SLC12A9: variants seen among roughly 807,000 people sequenced by gnomAD.
SLC12A9 encodes the protein CCC-interacting protein 1.
In SLC12A9, 55 loss-of-function variants were observed where a neutral mutation model predicts 66.0. That is an observed-to-expected ratio of 0.83 (90% CI 0.67 to 1.04). The LOEUF (loss-of-function observed/expected upper bound fraction) is 1.04, where lower values mean the gene tolerates loss of function less well. Among genes scored for constraint, SLC12A9 ranks in the 50% least tolerant of loss-of-function variants. The pLI is 0.00. For synonymous variants in SLC12A9, 577 were observed against 569.0 expected (o/e 1.01, Z -0.20); for missense variants, 1,061 against 1,241.9 (o/e 0.85, Z 2.19).
At chr7:100,833,595 C>T (rs527903528) in intron 1 of SLC12A9, among the ~76,000 whole-genome samples, 3 of 151,082 alleles carry the variant, frequency 2.0e-5, no homozygotes, top group East Asian at 1.9e-4. Flanking sequence ...TCACTTGAGC[C>T]CAGGAGTTCC....
At chr7:100,835,741 C>T (rs1813642790) in intron 1 of SLC12A9, among the ~76,000 whole-genome samples, 1 of 152,174 alleles carries the variant, frequency 6.6e-6, no homozygotes, top group Non-Finnish European at 1.5e-5. Context: ...CCATCCTGCT[C>T]CCCTCCCTAG....
chr7:100,866,589 C>T lies in SLC12A9; in HGVS notation c.2729C>T (p.Thr910Ile). Residue 910 changes from threonine to isoleucine, a missense_variant, in exon 14 of 14, where the codon ACC becomes ATC. Coordinates refer to ENST00000354161, the MANE Select transcript of SLC12A9 (RefSeq NM_020246.4). This position sits in a 1 kb window ranked among gnomAD's most constrained non-coding sequence, Gnocchi z 7.3. The stretch of plus-strand genomic sequence containing the variant: ...CTGGTTCATGGGGTCACTCCAGTCA[C>T]CTGCACTGATCTGTGATGCCCCTGC... ...TLLVHGVTPV[T>I]CTDL The T allele has an allele frequency of 1.3e-6, 2 of 1,582,526 alleles. No homozygotes were observed. Among genetic ancestry groups the T allele is most frequent in the Non-Finnish European group, 1.7e-6 (2 of 1,165,276 alleles).
intron 1 of SLC12A9, among the ~76,000 whole-genome samples, chr7:100,853,737 T>A (rs1814217423): frequency 6.6e-6 from 1 of 151,648 alleles, no homozygotes; most frequent in African/African-American, 2.4e-5. Flanking sequence ...AATTTTTTTT[T>A]TTTTCTTGTG....
At chr7:100,839,149 C>T (rs534198538) in intron 1 of SLC12A9, among the ~76,000 whole-genome samples, 3 of 152,176 alleles carry the variant, frequency 2.0e-5, no homozygotes, top group African/African-American at 7.2e-5. Context: ...CGGTGAAACC[C>T]TGTCTCTACT....
At chr7:100,858,458 T>C in intron 5 of SLC12A9, 1 of 171,826 alleles carries the variant, frequency 5.8e-6, no homozygotes, top group Non-Finnish European at 1.3e-5. Flanking sequence ...GGCATGGTGG[T>C]GCACACCTGT....
chr7:100,865,371 C>T, intron 13 of SLC12A9: 1 of 1,536,076 alleles, frequency 6.5e-7, no homozygotes, highest in East Asian at 2.4e-5. Context: ...GTCAAACTCG[C>T]ATCCCCTGCC....
chr7:100,862,659 C>T (rs763518533), intron 12 of SLC12A9, 22 bp from the exon 13 acceptor site: 3 of 1,612,620 alleles, frequency 1.9e-6, no homozygotes, highest in Non-Finnish European at 8.5e-7. Flanking sequence ...TGGCTACCTT[C>T]CTTTCCTTAT....
At chr7:100,841,884 C>T (rs962121894) in intron 1 of SLC12A9, among the ~76,000 whole-genome samples, 1 of 152,106 alleles carries the variant, frequency 6.6e-6, no homozygotes, top group Non-Finnish European at 1.5e-5. Flanking sequence ...CCAAGGTCCC[C>T]ACATTTAAAA....
intron 1 of SLC12A9, chr7:100,827,487 G>GGGCCGGGCCGGGCA (rs1562976914): frequency 6.6e-6 from 1 of 151,424 alleles, no homozygotes; most frequent in East Asian, 2.0e-4. Flanking sequence ...GGAGCCGGGC[G>GGGCCGGGCCGGGCA]GGCCGGGCCG....
At chr7:100,838,748 CT>C (rs747367487) in intron 1 of SLC12A9, among the ~76,000 whole-genome samples, 1 of 151,940 alleles carries the variant, frequency 6.6e-6, no homozygotes, top group Non-Finnish European at 1.5e-5. Flanking sequence ...ATTTCTGCCT[CT>C]AAAGAAAGAA....
chr7:100,859,773 G>A (rs1814627263), intron 7 of SLC12A9, 112 bp from the exon 8 acceptor site: 1 of 1,283,190 alleles, frequency 7.8e-7, no homozygotes, highest in Non-Finnish European at 1.1e-6. Flanking sequence ...TGAATACCAG[G>A]CATATCCCTT....
At chr7:100,841,839 C>G (rs1002093964) in intron 1 of SLC12A9, among the ~76,000 whole-genome samples, 1 of 152,038 alleles carries the variant, frequency 6.6e-6, no homozygotes, top group African/African-American at 2.4e-5. Flanking sequence ...GGAAATTTCT[C>G]AGTAAAAAGG....
chr7:100,837,940 A>C (rs1243788238), intron 1 of SLC12A9, among the ~76,000 whole-genome samples: 3 of 137,816 alleles, frequency 2.2e-5, no homozygotes, highest in African/African-American at 8.5e-5. Flanking sequence ...CGCTCACTGC[A>C]AGCTCAGCCT....
At chr7:100,854,114 C>A in intron 1 of SLC12A9, 42 bp from the exon 2 acceptor site, 1 of 1,321,792 alleles carries the variant, frequency 7.6e-7, no homozygotes, top group Non-Finnish European at 1.0e-6. Flanking sequence ...GGTGGGCGAG[C>A]TCTGTGGGGG....
rs900891424 is a variant in SLC12A9 at position 100,860,231 on chromosome 7, A to T, written c.1217A>T (p.Gln406Leu). ...GTACTTTATTCTTGGGGCCTGGTGCAGGTGAGCCTTCTTCTTCAAGGGGCC... is the reference window on the plus strand; with the variant it reads ...GTACTTTATTCTTGGGGCCTGGTGCTGGTGAGCCTTCTTCTTCAAGGGGCC... ...AAVLYSWGLV[Q>L]LVLLAGKLNT... is the part of the protein sequence containing the mutation. Residue 406 changes from glutamine (Q) to leucine (L), a missense_variant and splice_region_variant, in exon 9 of 14, where the codon CAG becomes CTG. Coordinates refer to ENST00000354161, the MANE Select transcript of SLC12A9 (RefSeq NM_020246.4). The T allele has an allele frequency of 1.2e-6, 2 of 1,613,538 alleles. No individual in the cohort carries two copies. The highest frequency in any genetic ancestry group is 1.7e-6 in the Non-Finnish European group (2 of 1,179,626).
chr7:100,858,585 G>A (rs907644194), intron 5 of SLC12A9: 47 of 400,414 alleles, frequency 1.2e-4, no homozygotes, highest in Non-Finnish European at 2.0e-4. Flanking sequence ...GCCAGACCCT[G>A]TCTCTAAAAA....
At chr7:100,833,711 G>A (rs1813587689) in intron 1 of SLC12A9, among the ~76,000 whole-genome samples, 1 of 151,898 alleles carries the variant, frequency 6.6e-6, no homozygotes, top group African/African-American at 2.4e-5. Flanking sequence ...GAGGTGGGCG[G>A]ATCACGAAGT....
chr7:100,862,547 T>A, intron 12 of SLC12A9, 134 bp from the exon 13 acceptor site: 1 of 1,068,530 alleles, frequency 9.4e-7, no homozygotes, highest in Non-Finnish European at 1.4e-6. Flanking sequence ...CACCAGCCCC[T>A]CTGCCCCTTT....
At chr7:100,862,209 G>A (rs576214317) in intron 12 of SLC12A9, among the ~76,000 whole-genome samples, 12 of 152,072 alleles carry the variant, frequency 7.9e-5, no homozygotes, top group East Asian at 1.9e-4. Flanking sequence ...CGCCCATCTC[G>A]GCCTCCCAAA....
Sources: allele counts gnomAD v4.1 joint callset (sites outside exome capture counted in the v4.1 genomes callset), GRCh38; gene constraint gnomAD v4.1.1; non-coding constraint Gnocchi (gnomAD v3.1); transcripts MANE v1.5; gene names NCBI Gene and HGNC (gene_info 2026-07-23, HGNC 2026-07-21).